LRBA: variants seen among roughly 807,000 people sequenced by gnomAD.
LRBA encodes the protein LPS responsive beige-like anchor protein, also known as lipopolysaccharide-responsive and beige-like anchor protein.
Under a neutral mutation model 330.0 loss-of-function variants are expected in LRBA, and 176 were observed. That is an observed-to-expected ratio of 0.53 (90% CI 0.47 to 0.60). The LOEUF (loss-of-function observed/expected upper bound fraction) is 0.60, where lower values mean the gene tolerates loss of function less well. Among genes scored for constraint, LRBA ranks in the 20% least tolerant of loss-of-function variants. LRBA has a pLI of 0.00. For missense variants in LRBA, 3,259 were observed against 3,444.8 expected (o/e 0.95, Z 1.35); for synonymous variants, 1,230 against 1,193.0 (o/e 1.03, Z -0.64).
chr4:151,014,603 T>A lies in LRBA; in HGVS notation c.40A>T (p.Thr14Ser), dbSNP rs1200143430. ...CCTCCACCTCCCCCGTCATCACCTG[T>A]TGGTGGCGGGGAAGGGACACGATTG... ...EDNRVPSPPPTGDDGGGGGRE... is the reference protein window; with the variant it reads ...EDNRVPSPPPSGDDGGGGGRE... The change falls in exon 2 of 57, where the codon ACA becomes TCA. Residue 14 changes from threonine to serine, a missense_variant. Physicochemically the swap from Thr to Ser is moderately conservative, Grantham distance 58 (BLOSUM62 1). Transcript: ENST00000651943. The A allele has an allele frequency of 5.6e-6, 9 of 1,610,070 alleles. No homozygotes were observed. The highest frequency in any genetic ancestry group is 1.7e-5 in the Admixed American group (1 of 59,550).
chr4:150,894,519 C>A (rs565506229), intron 16 of LRBA, among the ~76,000 whole-genome samples: 2 of 152,302 alleles, frequency 1.3e-5, no homozygotes, highest in African/African-American at 4.8e-5. Context: ...GTATGCATAT[C>A]ATTAGAGCCA....
At chr4:150,413,848 T>C (rs1403114495) in intron 47 of LRBA, among the ~76,000 whole-genome samples, 2 of 152,210 alleles carry the variant, frequency 1.3e-5, no homozygotes, top group African/African-American at 2.4e-5. Context: ...GTAACTTCTA[T>C]TCACTTTTGT....
chr4:150,600,671 TTATTA>T (rs1443469506), intron 37 of LRBA, among the ~76,000 whole-genome samples: 14 of 152,086 alleles, frequency 9.2e-5, no homozygotes, highest in African/African-American at 3.4e-4. Flanking sequence ...TAAAAAGCTA[TTATTA>T]TATATTTCTT....
intron 2 of LRBA, among the ~76,000 whole-genome samples, chr4:151,004,934 T>A (rs1199825011): frequency 6.6e-6 from 1 of 151,900 alleles, no homozygotes; most frequent in South Asian, 2.1e-4. Context: ...TTGGTTGCAA[T>A]GAGCCAAGAG....
At chr4:150,563,993 C>A (rs899682863) in intron 40 of LRBA, among the ~76,000 whole-genome samples, 33 of 152,294 alleles carry the variant, frequency 2.2e-4, no homozygotes, top group African/African-American at 7.9e-4. Context: ...CCATCCCCAT[C>A]AAGCTACCAA....
intron 34 of LRBA, among the ~76,000 whole-genome samples, chr4:150,777,176 C>T (rs1737498612): frequency 6.6e-6 from 1 of 151,906 alleles, no homozygotes; most frequent in African/African-American, 2.4e-5. Flanking sequence ...TCACTGTAGC[C>T]TCAAATTCCT....
At chr4:150,641,852 C>T (rs10025007) in intron 37 of LRBA, among the ~76,000 whole-genome samples, 119,119 of 151,966 alleles carry the variant, frequency 0.78, 51,288 homozygotes, top group Non-Finnish European at 0.95. Flanking sequence ...AAGCAAATCA[C>T]TTTGAAAGTA....
At chr4:150,294,715 G>T (rs1728740156) in intron 53 of LRBA, among the ~76,000 whole-genome samples, 1 of 152,342 alleles carries the variant, frequency 6.6e-6, no homozygotes, top group African/African-American at 2.4e-5. Flanking sequence ...ACTTTGGGAG[G>T]CCAAGGTGGG....
chr4:150,367,776 A>T (rs1487573605), intron 47 of LRBA, among the ~76,000 whole-genome samples: 1 of 152,206 alleles, frequency 6.6e-6, no homozygotes, highest in African/African-American at 2.4e-5. Flanking sequence ...GCATTCCAAT[A>T]AAAAGCATGA....
chr4:150,401,989 G>A (rs1195343693), intron 47 of LRBA, among the ~76,000 whole-genome samples: 2 of 152,024 alleles, frequency 1.3e-5, no homozygotes, highest in Admixed American at 6.6e-5. Context: ...TAGTGAACCT[G>A]AGAAAAGTGT....
chr4:150,917,168 T>TAC (rs1437285891), intron 5 of LRBA, among the ~76,000 whole-genome samples: 1 of 151,502 alleles, frequency 6.6e-6, no homozygotes, highest in Non-Finnish European at 1.5e-5. Context: ...AAAAAATATA[T>TAC]ATATATCTGA....
Position 150,528,641 on chromosome 4 carries a change from G to C in LRBA, c.6331-37606C>G, listed in dbSNP as rs769758370. Among the ~76,000 whole-genome samples, 14 of 152,128 alleles carry C rather than the reference G, an allele frequency of 9.2e-5. No homozygotes were observed. In the South Asian group the frequency reaches 1.0e-3, roughly 11 times the overall value. On this transcript the variant is annotated intron_variant, in intron 40 of 56. Coordinates refer to ENST00000651943, the MANE Select transcript of LRBA (RefSeq NM_001364905.1). The stretch of plus-strand genomic sequence containing the variant: ...TATTTTAGGCAGTAAGGTTGTCTTA[G>C]GAGAGTGAGTCAAGGAACGAGGTAG...
chr4:150,736,803 C>T (rs1191184920), intron 35 of LRBA, among the ~76,000 whole-genome samples: 1 of 152,072 alleles, frequency 6.6e-6, no homozygotes, highest in Non-Finnish European at 1.5e-5. Flanking sequence ...AATAGTAAAA[C>T]TATCAAAGAA....
intron 2 of LRBA, chr4:150,970,751 C>A (rs1456095480): frequency 6.6e-6 from 1 of 152,070 alleles, no homozygotes. Flanking sequence ...TCAGACAACA[C>A]TGGGTGTGCT....
intron 34 of LRBA, among the ~76,000 whole-genome samples, chr4:150,789,423 C>A (rs1249691628): frequency 6.6e-6 from 1 of 152,126 alleles, no homozygotes; most frequent in African/African-American, 2.4e-5. Context: ...AATGTTTGTG[C>A]AATTACTCAA....
intron 40 of LRBA, chr4:150,580,495 C>G (rs969297892): frequency 6.6e-6 from 1 of 152,162 alleles, no homozygotes; most frequent in Non-Finnish European, 1.5e-5. Context: ...GAGGGTAAGT[C>G]AAGCCCTCCC....
At chr4:150,716,582 TA>T (rs762091577) in intron 36 of LRBA, among the ~76,000 whole-genome samples, 1 of 152,136 alleles carries the variant, frequency 6.6e-6, no homozygotes, top group Non-Finnish European at 1.5e-5. Context: ...TTTTCTATAT[TA>T]AAAAATACTT....
Position 150,599,765 on chromosome 4 carries a change from CCT to C in LRBA, c.5922-636_5922-635del, listed in dbSNP as rs1773921289. ...CTTAAAATATTCATTACATTTAGCC[CCT>C]GAGGCTTAGAACAACACAAGAAAAT... On this transcript the variant is annotated intron_variant, in intron 37 of 56. Transcript: ENST00000651943. Among the ~76,000 whole-genome samples, 5 of 152,128 alleles carry C rather than the reference CCT, an allele frequency of 3.3e-5. No individual in the cohort carries two copies. The South Asian group carries it at 1.0e-3, about 32-fold the overall frequency.
chr4:150,993,300 C>T (rs1343775127), intron 2 of LRBA, among the ~76,000 whole-genome samples: 1 of 151,610 alleles, frequency 6.6e-6, no homozygotes, highest in Non-Finnish European at 1.5e-5. Context: ...TAAATGTGTA[C>T]AAAAAGGAAC....
Sources: allele counts gnomAD v4.1 joint callset (sites outside exome capture counted in the v4.1 genomes callset), GRCh38; gene constraint gnomAD v4.1.1; transcripts MANE v1.5; gene names NCBI Gene and HGNC (gene_info 2026-07-23, HGNC 2026-07-21).